CUL1: variants seen among roughly 807,000 people sequenced by gnomAD.
The protein encoded by CUL1 is cullin 1.
CUL1 carries 24 observed loss-of-function variants against 118.0 expected under a neutral mutation model. That is an observed-to-expected ratio of 0.20 (90% CI 0.15 to 0.29). The LOEUF is 0.29. Among genes scored for constraint, CUL1 ranks in the 10% least tolerant of loss-of-function variants. CUL1 has a pLI of 1.00. For missense variants in CUL1, 361 were observed against 933.8 expected (o/e 0.39, Z 7.99); for synonymous variants, 332 against 340.4 (o/e 0.98, Z 0.27).
intron 17 of CUL1, among the ~76,000 whole-genome samples, chr7:148,793,385 T>C (rs1010130803): frequency 6.6e-6 from 1 of 152,214 alleles, no homozygotes; most frequent in Non-Finnish European, 1.5e-5. Context: ...CACAAGCTTA[T>C]AGAACTACCA....
intron 9 of CUL1, among the ~76,000 whole-genome samples, chr7:148,778,117 G>GAAAAAAAAAAAAAAAAAAAAAAAAAAAA (rs1800480617): frequency 9.2e-6 from 1 of 108,842 alleles, no homozygotes; most frequent in Non-Finnish European, 2.0e-5. Flanking sequence ...GAAGAATGAG[G>GAAAAAAAAAAAAAAAAAAAAAAAAAAAA]AAAGAGAGCA....
intron 1 of CUL1, among the ~76,000 whole-genome samples, chr7:148,725,219 G>GCGCACGCACACACACACA: frequency 7.1e-6 from 1 of 140,060 alleles, no homozygotes; most frequent in African/African-American, 2.8e-5. Flanking sequence ...ACACGCGCGC[G>GCGCACGCACACACACACA]CTCACACACA....
chr7:148,725,556 G>A (rs1422283951), intron 1 of CUL1, among the ~76,000 whole-genome samples: 5 of 152,108 alleles, frequency 3.3e-5, no homozygotes, highest in South Asian at 2.1e-4. Flanking sequence ...TCTCTGCCCC[G>A]TCTGCTTCCT....
chr7:148,715,684 A>G (rs988171636), intron 1 of CUL1, among the ~76,000 whole-genome samples: 1 of 152,080 alleles, frequency 6.6e-6, no homozygotes, highest in Non-Finnish European at 1.5e-5. Flanking sequence ...GTTGCCAACA[A>G]TTTTACTTTT....
At chr7:148,757,189 G>GT in intron 4 of CUL1, 39 bp downstream of exon 4, 1 of 1,353,108 alleles carries the variant, frequency 7.4e-7, no homozygotes, top group Non-Finnish European at 9.7e-7. Context: ...ATTTGTTTTT[G>GT]TTTTTGTTTT....
intron 6 of CUL1, 149 bp downstream of exon 6, chr7:148,759,787 G>T (rs1038668169): frequency 4.1e-6 from 2 of 489,612 alleles, no homozygotes; most frequent in East Asian, 6.7e-5. Context: ...TTTTAAGTCA[G>T]TGTGACTTTA....
At chr7:148,738,384 C>T (rs961499874) in intron 2 of CUL1, among the ~76,000 whole-genome samples, 2 of 152,104 alleles carry the variant, frequency 1.3e-5, no homozygotes, top group Non-Finnish European at 2.9e-5. Flanking sequence ...GTGACTTGCC[C>T]CTCCCCATCA....
chr7:148,765,503 A>C (rs993393503), intron 7 of CUL1, among the ~76,000 whole-genome samples: 2 of 152,082 alleles, frequency 1.3e-5, no homozygotes, highest in African/African-American at 2.4e-5. Context: ...GGCGGCATGC[A>C]CCTGTAGTCC....
intron 2 of CUL1, among the ~76,000 whole-genome samples, chr7:148,737,643 C>T (rs1387210572): frequency 6.6e-6 from 1 of 150,978 alleles, no homozygotes; most frequent in Non-Finnish European, 1.5e-5. Context: ...CTCTGTTGCC[C>T]AGGCTGGAGT....
chr7:148,794,367 G>C (rs930513417), intron 17 of CUL1, among the ~76,000 whole-genome samples: 2 of 152,134 alleles, frequency 1.3e-5, no homozygotes, highest in Non-Finnish European at 2.9e-5. Flanking sequence ...CTTGTCAAAA[G>C]TCAGTTGGCC....
chr7:148,725,122 A>G (rs1345852033), intron 1 of CUL1, among the ~76,000 whole-genome samples: 2 of 152,098 alleles, frequency 1.3e-5, no homozygotes, highest in African/African-American at 2.4e-5. Flanking sequence ...CAGTTTTACA[A>G]TCAGTTCAGT....
chr7:148,799,782 G>A (rs768929624), intron 21 of CUL1, among the ~76,000 whole-genome samples: 3 of 152,076 alleles, frequency 2.0e-5, no homozygotes, highest in Non-Finnish European at 4.4e-5. Flanking sequence ...ACACACTCCC[G>A]TGCCTGGTAA....
intron 2 of CUL1, among the ~76,000 whole-genome samples, chr7:148,743,349 A>G (rs1799205990): frequency 6.6e-6 from 1 of 152,274 alleles, no homozygotes; most frequent in Non-Finnish European, 1.5e-5. Context: ...TCCTGTTGGT[A>G]GCTTGCATCT....
chr7:148,726,885 A>T (rs566245183), intron 1 of CUL1, among the ~76,000 whole-genome samples: 172 of 152,002 alleles, frequency 1.1e-3, no homozygotes, highest in African/African-American at 3.9e-3. Context: ...GGTTGTCCTA[A>T]CCTGTAGTCC....
chr7:148,717,256 C>T (rs1798242997), intron 1 of CUL1, among the ~76,000 whole-genome samples: 1 of 152,136 alleles, frequency 6.6e-6, no homozygotes, highest in South Asian at 2.1e-4. Context: ...GGGGTTTCAC[C>T]ATGTTGGCCA....
At chr7:148,794,344 T>C in intron 17 of CUL1, among the ~76,000 whole-genome samples, 1 of 152,220 alleles carries the variant, frequency 6.6e-6, no homozygotes, top group East Asian at 1.9e-4. Context: ...CCCTATTGTT[T>C]GGTGCTGGCA....
intron 1 of CUL1, among the ~76,000 whole-genome samples, chr7:148,704,524 G>A (rs1797823497): frequency 1.3e-5 from 2 of 152,116 alleles, no homozygotes; most frequent in African/African-American, 4.8e-5. Flanking sequence ...TCCAGGGTGT[G>A]CTGTTATTTA....
intron 1 of CUL1, among the ~76,000 whole-genome samples, chr7:148,728,196 A>C (rs905433370): frequency 6.6e-6 from 1 of 152,198 alleles, no homozygotes; most frequent in Non-Finnish European, 1.5e-5. Context: ...TTGTGGATAC[A>C]TGTGGCATTG....
chr7:148,737,069 C>T (rs1274226405), intron 2 of CUL1, among the ~76,000 whole-genome samples: 1 of 152,162 alleles, frequency 6.6e-6, no homozygotes, highest in Non-Finnish European at 1.5e-5. Context: ...TTGCAAAGTT[C>T]TTGCTATCTT....
Sources: allele counts gnomAD v4.1 joint callset (sites outside exome capture counted in the v4.1 genomes callset), GRCh38; gene constraint gnomAD v4.1.1; transcripts MANE v1.5; gene names NCBI Gene and HGNC (gene_info 2026-07-23, HGNC 2026-07-21).